The following AMPD3 variants were observed in gnomAD, a reference collection of about 807,000 sequenced individuals.
AMPD3 encodes the protein AMP deaminase 3.
AMPD3 carries 57 observed loss-of-function variants against 82.3 expected under a neutral mutation model. The observed-to-expected ratio is 0.69, with a 90% CI of 0.56 to 0.86. AMPD3 has a LOEUF of 0.86. Ranked by LOEUF, AMPD3 falls within the 40% of genes least tolerant of loss-of-function variation. The pLI, the probability that AMPD3 is intolerant of heterozygous loss-of-function variation, is 0.00. For missense variants in AMPD3, 870 were observed against 1,003.8 expected (o/e 0.87, Z 1.80); for synonymous variants, 381 against 394.7 (o/e 0.97, Z 0.41).
upstream of AMPD3, among the ~76,000 whole-genome samples, chr11:10,451,500 A>C (rs964494090): frequency 3.3e-5 from 5 of 152,116 alleles, no homozygotes; most frequent in African/African-American, 4.8e-5. Flanking sequence ...CCGGCAAGGG[A>C]GGTGTACAGC....
chr11:10,461,492 C>A, intron 1 of AMPD3, 23 bp from the exon 2 acceptor site: 1 of 1,614,074 alleles, frequency 6.2e-7, no homozygotes, highest in South Asian at 1.1e-5. Context: ...TCCTGCAATT[C>A]ATGCTTGTTC....
intron 6 of AMPD3, among the ~76,000 whole-genome samples, chr11:10,490,166 A>T (rs1209451786): frequency 6.6e-6 from 1 of 152,140 alleles, no homozygotes; most frequent in African/African-American, 2.4e-5. Context: ...CTGTGAAGGC[A>T]CCTGTCACAC....
At chr11:10,505,329 G>A (rs959114360) in intron 14 of AMPD3, 2 of 985,248 alleles carry the variant, frequency 2.0e-6, no homozygotes, top group South Asian at 4.7e-5. Context: ...GCGCAGTGTG[G>A]TGCCTTGGAT....
Position 10,502,794 on chromosome 11 carries a change from T to C in AMPD3, c.1916T>C (p.Leu639Ser). The C allele has an allele frequency of 3.1e-6, 5 of 1,614,174 alleles. No individual in the cohort carries two copies. Among genetic ancestry groups the C allele is most frequent in the Non-Finnish European group, 4.2e-6 (5 of 1,179,976 alleles). The change falls in exon 13 of 15, where the codon TTG becomes TCG. Residue 639 changes from leucine to serine, a missense_variant. Transcript: ENST00000396553. ...IAMSPLSNNS[L>S]FLEYSKNPLR... ...ATGTCTCCTCTTAGCAACAACAGTT[T>C]GTTCCTCGAATATTCCAAGAACCCT...
chr11:10,462,423 G>A (rs999451973), intron 2 of AMPD3, among the ~76,000 whole-genome samples: 1 of 152,156 alleles, frequency 6.6e-6, no homozygotes, highest in Non-Finnish European at 1.5e-5. Flanking sequence ...GAGCCAAGGT[G>A]GAGTCGCCCT....
intron 8 of AMPD3, 50 bp from the exon 9 acceptor site, chr11:10,495,520 C>T (rs1258288749): frequency 6.2e-7 from 1 of 1,611,898 alleles, no homozygotes. Context: ...GTGAGAGTCT[C>T]CCATGTAGCT....
chr11:10,489,492 C>T (rs1289110854), intron 6 of AMPD3, among the ~76,000 whole-genome samples: 1 of 152,168 alleles, frequency 6.6e-6, no homozygotes, highest in African/African-American at 2.4e-5. Context: ...GGTAACAAAT[C>T]AGAGCCTATC....
At chr11:10,502,964 G>A in intron 13 of AMPD3, 70 bp downstream of exon 13, 3 of 1,557,496 alleles carry the variant, frequency 1.9e-6, no homozygotes, top group Non-Finnish European at 2.6e-6. Context: ...CCCATTTCAG[G>A]AACCTGAGCC....
chr11:10,495,062 T>C (rs1849352394), intron 8 of AMPD3, 32 bp downstream of exon 8: 2 of 1,613,856 alleles, frequency 1.2e-6, no homozygotes, highest in Non-Finnish European at 1.7e-6. Flanking sequence ...CTGAGGCCTC[T>C]CAGGTGCCTC....
chr11:10,482,259 T>C (rs1490579713), intron 4 of AMPD3, 34 bp downstream of exon 4: 3 of 1,607,832 alleles, frequency 1.9e-6, no homozygotes, highest in Admixed American at 3.3e-5. Flanking sequence ...GGGTCCCAAG[T>C]GTGGGCAGAC....
chr11:10,482,151 G>A lies in AMPD3; in HGVS notation c.515G>A (p.Arg172His), dbSNP rs754636700. 2.6e-5 allele frequency: 42 copies of A among 1,613,870 alleles called. 1 individual carries two copies. In the South Asian group the frequency reaches 3.4e-4, roughly 13 times the overall value. The part of the protein sequence containing the change: ...REKYARLAYH[R>H]FPRITSQYLG... ...AAGTATGCGCGGCTCGCCTACCACC[G>A]CTTCCCGCGGATCACATCCCAGTAC... The change falls in exon 4 of 15, where the codon CGC (arginine) becomes CAC (histidine). Residue 172 changes from arginine to histidine, a missense_variant. Transcript: ENST00000396553.
Position 10,504,679 on chromosome 11 carries a change from T to C in AMPD3, c.2127+20T>C. 6.2e-7 allele frequency: 1 copy of C among 1,607,870 alleles called. No individual in the cohort carries two copies. The highest frequency in any genetic ancestry group is 8.5e-7 in the Non-Finnish European group (1 of 1,174,340). On this transcript the variant is annotated intron_variant, in intron 14 of 14. Coordinates refer to ENST00000396553, the MANE Select transcript of AMPD3 (RefSeq NM_001025389.2). Reference sequence around the variant, plus strand: ...CATCAGGTATGGAGTGTGACGGTGCTGCCTGTGTCCCTCCTGGGAAGGCTG... The same window carrying C: ...CATCAGGTATGGAGTGTGACGGTGCCGCCTGTGTCCCTCCTGGGAAGGCTG...
intron 3 of AMPD3, among the ~76,000 whole-genome samples, chr11:10,480,978 A>G (rs939183094): frequency 9.2e-5 from 14 of 152,050 alleles, no homozygotes; most frequent in African/African-American, 3.4e-4. Flanking sequence ...GGAAGGCGGG[A>G]ATTTATCTCA....
chr11:10,488,515 T>A, intron 6 of AMPD3: 1 of 778,446 alleles, frequency 1.3e-6, no homozygotes, highest in African/African-American at 1.9e-5. Context: ...CTGCAAGCAG[T>A]GTGGTGTGGT....
At position 10,506,065 on chromosome 11, in the gene AMPD3, T is replaced by C; in HGVS notation, c.*181T>C. On this transcript the variant is annotated 3_prime_UTR_variant, in exon 15 of 15. Transcript: ENST00000396553. This position sits in a 1 kb window ranked among gnomAD's most constrained non-coding sequence, Gnocchi z 4.1. ...GAGTTAACATGCTCACTTGTTAGTA[T>C]TTCTGAGTAACAAGATGGTGACTTC... 1 of 679,630 alleles carries C rather than the reference T, an allele frequency of 1.5e-6. No individual in the cohort carries two copies. Among genetic ancestry groups the C allele is most frequent in the Non-Finnish European group, 2.6e-6 (1 of 384,438 alleles). 42.1% of individuals were successfully genotyped at this position (679,630 alleles called of 1,614,324 possible). A position where few individuals can be genotyped will look rare whatever the true frequency, so the allele number is the denominator to read the frequency against.
intron 2 of AMPD3, chr11:10,477,118 G>T: frequency 7.1e-6 from 7 of 985,412 alleles, no homozygotes; most frequent in Non-Finnish European, 8.4e-6. Flanking sequence ...GAGGATACCT[G>T]GCCACAGGCC....
At chr11:10,505,257 A>G (rs1027278903) in intron 14 of AMPD3, 157 of 983,862 alleles carry the variant, frequency 1.6e-4, no homozygotes, top group East Asian at 2.3e-4. Flanking sequence ...AAGAGGTTGC[A>G]TTAGGGGCTG....
At chr11:10,493,780 G>C (rs1849311201) in intron 7 of AMPD3, 5 of 589,956 alleles carry the variant, frequency 8.5e-6, no homozygotes, top group Non-Finnish European at 1.5e-5. Flanking sequence ...TCCCACTCCT[G>C]CCACTTAGGA....
chr11:10,498,118 C>T (rs1038230927), intron 10 of AMPD3, among the ~76,000 whole-genome samples: 2 of 152,214 alleles, frequency 1.3e-5, no homozygotes, highest in Non-Finnish European at 2.9e-5. Context: ...TTCTATGTTG[C>T]CTCCCAAGTG....
Sources: gnomAD v4.1 joint callset for allele counts (sites outside exome capture counted in the v4.1 genomes callset) on GRCh38, gnomAD v4.1.1 for gene constraint, Gnocchi (gnomAD v3.1) non-coding constraint, MANE v1.5 for transcripts, NCBI Gene and HGNC (gene_info 2026-07-23, HGNC 2026-07-21) for gene names.